The following USP30 variants were observed in gnomAD, a reference collection of about 807,000 sequenced individuals.
USP30 encodes the protein ubiquitin specific peptidase 30.
In USP30, 41 loss-of-function variants were observed where a neutral mutation model predicts 68.2. The ratio of observed to expected loss-of-function variants is 0.60; its 90% CI spans 0.47 to 0.78. USP30 has a LOEUF of 0.78. Ranked by LOEUF, USP30 falls within the 30% of genes least tolerant of loss-of-function variation. The probability of loss-of-function intolerance (pLI) is 0.00; values close to 1 mark genes in which losing one functional copy is unlikely to be tolerated. For missense variants in USP30, 522 were observed against 649.4 expected (o/e 0.80, Z 2.13); for synonymous variants, 229 against 253.7 (o/e 0.90, Z 0.93).
chr12:109,038,138 T>A (rs1031730203), intron 3 of USP30, among the ~76,000 whole-genome samples: 5 of 151,900 alleles, frequency 3.3e-5, no homozygotes, highest in African/African-American at 1.2e-4. Flanking sequence ...CCAACATTCA[T>A]GAGCTGTTAT....
chr12:109,052,974 C>A, intron 1 of USP30: 1 of 432,564 alleles, frequency 2.3e-6, no homozygotes, highest in South Asian at 6.6e-5. Context: ...GTCTGCACTC[C>A]CCAGGTCTGT....
At chr12:109,057,104 C>T (rs75135844) in intron 2 of USP30, among the ~76,000 whole-genome samples, 9,553 of 152,138 alleles carry the variant, frequency 0.063, 376 homozygotes, top group East Asian at 0.14. Context: ...TACAGACTGA[C>T]CAATTACATC....
At position 109,075,849 on chromosome 12, in the gene USP30, T is replaced by C. The variant is rs905295982; in HGVS notation, c.720+2317T>C. The stretch of plus-strand genomic sequence containing the variant: ...TAATCATGTTACTTTTTCTTTTTTT[T>C]TTTTTTTTTGCTGTTGGTCCATATG... On this transcript the variant is annotated intron_variant, in intron 7 of 12. Transcript: ENST00000257548. Among the ~76,000 whole-genome samples, 126 of 151,624 alleles carry C rather than the reference T, an allele frequency of 8.3e-4. 6 individuals are homozygous for C. The highest frequency in any genetic ancestry group is 6.2e-4 in the South Asian group (3 of 4,804).
intron 3 of USP30, among the ~76,000 whole-genome samples, chr12:109,066,732 A>G (rs577232573): frequency 6.6e-6 from 1 of 152,284 alleles, no homozygotes; most frequent in South Asian, 2.1e-4. Context: ...AGGCTGCTGC[A>G]TATAGCTTGA....
chr12:109,072,591 T>G (rs974091900), intron 6 of USP30, among the ~76,000 whole-genome samples: 2 of 152,214 alleles, frequency 1.3e-5, no homozygotes, highest in Admixed American at 6.5e-5. Flanking sequence ...ACAAGGGCTT[T>G]CTTTTTACCT....
At chr12:109,040,490 A>AGGGGG (rs2040556794) in intron 3 of USP30, among the ~76,000 whole-genome samples, 1 of 152,200 alleles carries the variant, frequency 6.6e-6, no homozygotes, top group African/African-American at 2.4e-5. Context: ...AAAATTAACA[A>AGGGGG]TTGTTATCCC....
intron 3 of USP30, among the ~76,000 whole-genome samples, chr12:109,063,344 G>T (rs1379450568): frequency 6.6e-6 from 1 of 152,082 alleles, no homozygotes; most frequent in Admixed American, 6.6e-5. Flanking sequence ...CAAGTGATCT[G>T]CCCACCTCAG....
chr12:109,045,327 C>T (rs2040595573), intron 3 of USP30, among the ~76,000 whole-genome samples: 1 of 152,188 alleles, frequency 6.6e-6, no homozygotes, highest in Non-Finnish European at 1.5e-5. Flanking sequence ...ATTTCCTATC[C>T]TCTCTTTAGC....
rs1436149567 is a variant in USP30 at position 109,082,910 on chromosome 12, G to A, written c.1016G>A (p.Arg339Gln). 6 of 1,614,078 alleles carry A rather than the reference G, an allele frequency of 3.7e-6. No individual in the cohort carries two copies. The highest frequency in any genetic ancestry group is 1.7e-5 in the Admixed American group (1 of 60,014). ...TCCAGCCACGGCACGCCTCTGAAGCGGCATGAGCACGTGCAGTTCAATGAG... is the reference window on the plus strand; with the variant it reads ...TCCAGCCACGGCACGCCTCTGAAGCAGCATGAGCACGTGCAGTTCAATGAG... ...SWSSHGTPLK[R>Q]HEHVQFNEFL... Residue 339 changes from arginine to glutamine, a missense_variant, in exon 11 of 13, where the codon CGG (arginine) becomes CAG (glutamine). Coordinates refer to ENST00000257548, the MANE Select transcript of USP30 (RefSeq NM_032663.5).
rs747684889 is a variant in USP30, at chr12:109,073,415, T to A, written c.626-23T>A. On this transcript the variant is annotated intron_variant, in intron 6 of 12. Transcript: ENST00000257548. ...GTGCCAAAGGGCTAAAAGTGACATA[T>A]CAAAAAACTTTTTGCATTCCAGGGT... 2.5e-6 allele frequency: 4 copies of A among 1,574,984 alleles called. No individual in the cohort carries two copies. In the Admixed American group the frequency reaches 6.7e-5, roughly 26 times the overall value.
chr12:109,058,971 A>G (rs554239376), intron 3 of USP30, among the ~76,000 whole-genome samples: 1 of 152,322 alleles, frequency 6.6e-6, no homozygotes, highest in South Asian at 2.1e-4. Flanking sequence ...GAACTACACA[A>G]TAATAGCTTG....
At chr12:109,068,131 G>A (rs2041317708) in intron 4 of USP30, among the ~76,000 whole-genome samples, 1 of 152,168 alleles carries the variant, frequency 6.6e-6, no homozygotes. Context: ...CAGCTTTGCT[G>A]CCTTTTTTGG....
intron 3 of USP30, among the ~76,000 whole-genome samples, chr12:109,031,419 T>C (rs949627425): frequency 1.3e-5 from 2 of 152,218 alleles, no homozygotes; most frequent in African/African-American, 4.8e-5. Context: ...TATAGCACTT[T>C]TAAAATTTGC....
upstream of USP30, chr12:109,052,468 AAAAG>A (rs1353245629): frequency 2.1e-5 from 9 of 430,344 alleles, no homozygotes; most frequent in East Asian, 3.7e-5. Flanking sequence ...TTGCTAAGGG[AAAAG>A]AAAGAAAGGA....
At chr12:109,073,146 C>T (rs946710855) in intron 6 of USP30, among the ~76,000 whole-genome samples, 1 of 152,206 alleles carries the variant, frequency 6.6e-6, no homozygotes, top group Non-Finnish European at 1.5e-5. Context: ...ACATCTCAAA[C>T]ATTTTAAGCA....
At chr12:109,071,581 C>A (rs753683125) in intron 4 of USP30, 31 bp from the exon 5 acceptor site, 1 of 1,598,564 alleles carries the variant, frequency 6.3e-7, no homozygotes, top group East Asian at 2.2e-5. Flanking sequence ...CCTCTTCCAA[C>A]CTCTCTAAAG....
chr12:109,079,415 T>A (rs1238615406), intron 7 of USP30, among the ~76,000 whole-genome samples: 1 of 142,730 alleles, frequency 7.0e-6, no homozygotes, highest in Non-Finnish European at 1.5e-5. Context: ...CGAGGCTGGA[T>A]TGCAATAATG....
upstream of USP30, among the ~76,000 whole-genome samples, chr12:109,051,403 C>T (rs1411458888): frequency 3.3e-5 from 5 of 151,036 alleles, no homozygotes; most frequent in Admixed American, 1.3e-4. Flanking sequence ...ATTACAGGCA[C>T]GCGCCACCAC....
At chr12:109,080,640 A>C (rs1039348945) in intron 7 of USP30, among the ~76,000 whole-genome samples, 1 of 152,218 alleles carries the variant, frequency 6.6e-6, no homozygotes, top group African/African-American at 2.4e-5. Context: ...CATATAATTT[A>C]TTAAACCATT....
Sources: allele counts gnomAD v4.1 joint callset (sites outside exome capture counted in the v4.1 genomes callset), GRCh38; gene constraint gnomAD v4.1.1; transcripts MANE v1.5; gene names NCBI Gene and HGNC (gene_info 2026-07-23, HGNC 2026-07-21).